PHLDB2: variants seen among roughly 807,000 people sequenced by gnomAD.
PHLDB2 encodes pleckstrin homology like domain family B member 2.
PHLDB2 carries 71 observed loss-of-function variants against 123.6 expected under a neutral mutation model. That is an observed-to-expected ratio of 0.57 (90% CI 0.47 to 0.70). The LOEUF is 0.70. PHLDB2 is among the 30% of genes least tolerant of loss of function. The pLI is 0.00. For synonymous variants in PHLDB2, 547 were observed against 541.6 expected, an observed-to-expected ratio of 1.01 and a Z score of -0.14; for missense variants, 1,446 against 1,519.5, an observed-to-expected ratio of 0.95 and a Z score of 0.80.
At chr3:111,782,992 T>C (rs942754172) in intron 1 of PHLDB2, among the ~76,000 whole-genome samples, 2 of 152,122 alleles carry the variant, frequency 1.3e-5, no homozygotes, top group Non-Finnish European at 2.9e-5. Flanking sequence ...CTTCCAGTTT[T>C]TCCTTTTTCT....
chr3:111,771,743 C>T (rs773192855), intron 1 of PHLDB2, among the ~76,000 whole-genome samples: 11 of 152,158 alleles, frequency 7.2e-5, no homozygotes, highest in Non-Finnish European at 1.3e-4. Flanking sequence ...TTAGAGTCTA[C>T]CCTCATGACT....
rs188983177 is a variant in PHLDB2 at position 111,835,960 on chromosome 3, G to A, written c.-48-9861G>A. Among the ~76,000 whole-genome samples, 16 of 152,260 alleles carry A rather than the reference G, an allele frequency of 1.1e-4. No homozygotes were observed. The East Asian group carries it at 1.5e-3, about 15-fold the overall frequency. On this transcript the variant is annotated intron_variant, in intron 1 of 17. Coordinates refer to the PHLDB2 transcript ENST00000393923. ...TATTTACAGGCCCATCCAGATCCAA[G>A]GGGAGAAATGTAGACCCCACCTCAT...
At chr3:111,881,337 C>T (rs911096847) in intron 1 of PHLDB2, among the ~76,000 whole-genome samples, 15 of 152,126 alleles carry the variant, frequency 9.9e-5, no homozygotes, top group African/African-American at 2.2e-4. Context: ...CATCACTAGT[C>T]GCACTTCGTA....
Position 111,859,501 on chromosome 3 carries a change from G to T in PHLDB2, c.-90G>T, listed in dbSNP as rs926038644. The T allele has an allele frequency of 1.0e-6, 1 of 985,622 alleles. No individual in the cohort carries two copies. Among genetic ancestry groups the T allele is most frequent in the Non-Finnish European group, 1.2e-6 (1 of 830,068 alleles). The allele number at this position is 985,622 out of a possible 1,614,324, so 61.1% of individuals were successfully genotyped here. A position where few individuals can be genotyped will look rare whatever the true frequency, so the allele number is the denominator to read the frequency against. ...GCGGCCCGAGGGGGACCCGACGGGG[G>T]CCCGACGGTGTGGCGTGGCGCAAGG... On this transcript the variant is annotated 5_prime_UTR_variant, in exon 1 of 18. Transcript: ENST00000431670.
At position 111,974,738 on chromosome 3, in the gene PHLDB2, T is replaced by C. The variant is rs546301204; in HGVS notation, c.*175T>C. ...GTAAAAAATAAAGAAGGGGTTTTAA[T>C]ACAAACCTTCATAATAAATAGCAAA... On this transcript the variant is annotated 3_prime_UTR_variant, in exon 18 of 18. Coordinates refer to ENST00000431670, the MANE Select transcript of PHLDB2 (RefSeq NM_001134438.2). 142 of 534,486 alleles carry C rather than the reference T, an allele frequency of 2.7e-4. 3 individuals are homozygous for C. In the South Asian group the frequency reaches 0.01, roughly 38 times the overall value. 33.1% of individuals were successfully genotyped at this position (534,486 alleles called of 1,614,324 possible). A position where few individuals can be genotyped will look rare whatever the true frequency, so the allele number is the denominator to read the frequency against.
At chr3:111,781,730 G>A (rs2060483881) in intron 1 of PHLDB2, among the ~76,000 whole-genome samples, 1 of 152,148 alleles carries the variant, frequency 6.6e-6, no homozygotes, top group Non-Finnish European at 1.5e-5. Flanking sequence ...CTATGCAGAT[G>A]CATTCCTTTC....
chr3:111,945,699 A>C (rs1191795985), intron 9 of PHLDB2, among the ~76,000 whole-genome samples: 1 of 151,818 alleles, frequency 6.6e-6, no homozygotes, highest in Non-Finnish European at 1.5e-5. Context: ...TTCCTTCCTG[A>C]GTCTCCTTTC....
At chr3:111,938,051 G>T (rs2069612091) in intron 6 of PHLDB2, among the ~76,000 whole-genome samples, 1 of 152,106 alleles carries the variant, frequency 6.6e-6, no homozygotes, top group Non-Finnish European at 1.5e-5. Context: ...AGATTATTCT[G>T]AGAGTGGTGG....
At chr3:111,819,034 T>C (rs2062236575) in intron 1 of PHLDB2, among the ~76,000 whole-genome samples, 2 of 152,192 alleles carry the variant, frequency 1.3e-5, no homozygotes, top group Admixed American at 6.5e-5. Context: ...AATGCCAGCA[T>C]GGTCAGGATC....
At chr3:111,845,032 G>A (rs560285083) in intron 1 of PHLDB2, among the ~76,000 whole-genome samples, 3 of 152,232 alleles carry the variant, frequency 2.0e-5, no homozygotes, top group South Asian at 4.1e-4. Context: ...AAGCTCTTGA[G>A]AACAAGGACA....
chr3:111,902,079 G>A (rs182538402), intron 2 of PHLDB2, among the ~76,000 whole-genome samples: 8 of 152,146 alleles, frequency 5.3e-5, no homozygotes, highest in African/African-American at 1.9e-4. Context: ...CCACCCATCT[G>A]CTGGTTGATT....
chr3:111,946,747 G>GT (rs1296742067), intron 9 of PHLDB2, among the ~76,000 whole-genome samples: 1 of 152,192 alleles, frequency 6.6e-6, no homozygotes, highest in Non-Finnish European at 1.5e-5. Flanking sequence ...CCTTTAAGTG[G>GT]TTTTAAGCAG....
chr3:111,896,884 T>A (rs1310609401), intron 2 of PHLDB2, among the ~76,000 whole-genome samples: 1 of 152,158 alleles, frequency 6.6e-6, no homozygotes, highest in Non-Finnish European at 1.5e-5. Flanking sequence ...CAAAATAATC[T>A]CTTTATGTTG....
At chr3:111,966,110 A>G (rs908103315) in intron 13 of PHLDB2, among the ~76,000 whole-genome samples, 1 of 152,212 alleles carries the variant, frequency 6.6e-6, no homozygotes, top group Admixed American at 6.5e-5. Flanking sequence ...AAGGGACAAC[A>G]AAAAGTAGCT....
intron 1 of PHLDB2, among the ~76,000 whole-genome samples, chr3:111,757,169 G>A (rs148588701): frequency 0.076 from 11,614 of 152,160 alleles, 617 homozygotes; most frequent in Admixed American, 0.12. Flanking sequence ...GGAGTTCTCT[G>A]TATTTCCTTA....
chr3:111,848,179 C>T (rs1284255162), intron 2 of PHLDB2, among the ~76,000 whole-genome samples: 1 of 152,052 alleles, frequency 6.6e-6, no homozygotes, highest in East Asian at 1.9e-4. Flanking sequence ...CTGATATTTC[C>T]AGTAGGATCA....
At chr3:111,793,072 G>A (rs6798466) in intron 1 of PHLDB2, among the ~76,000 whole-genome samples, 33,295 of 152,114 alleles carry the variant, frequency 0.22, 5,011 homozygotes, top group East Asian at 0.46. Flanking sequence ...GGGCTCTACA[G>A]TCAGCAGGTG....
intron 1 of PHLDB2, among the ~76,000 whole-genome samples, chr3:111,810,994 G>T (rs1305931471): frequency 6.6e-6 from 1 of 152,108 alleles, no homozygotes; most frequent in Admixed American, 6.6e-5. Flanking sequence ...TAGGTAAATG[G>T]CCCAGATACA....
chr3:111,885,740 A>G (rs1386404430), intron 2 of PHLDB2: 106 of 608,000 alleles, frequency 1.7e-4, no homozygotes, highest in Non-Finnish European at 8.7e-6. Flanking sequence ...CTTTAAGACT[A>G]TGAGGAAATG....
Sources: allele counts gnomAD v4.1 joint callset (sites outside exome capture counted in the v4.1 genomes callset), GRCh38; gene constraint gnomAD v4.1.1; transcripts MANE v1.5; gene names NCBI Gene and HGNC (gene_info 2026-07-23, HGNC 2026-07-21).